Variants in PPM1D observed in about 807,000 individuals in gnomAD.
PPM1D encodes the protein protein phosphatase, Mg2+/Mn2+ dependent 1D, also known as protein phosphatase 1D.
In PPM1D, 52 loss-of-function variants were observed where a neutral mutation model predicts 58.3. That is an observed-to-expected ratio of 0.89 (90% CI 0.71 to 1.12). PPM1D has a LOEUF of 1.12. PPM1D is among the 50% of genes most tolerant of loss of function. The pLI is 0.00. For missense variants in PPM1D, 564 were observed against 777.2 expected (o/e 0.73, Z 3.26); for synonymous variants, 278 against 285.1 (o/e 0.98, Z 0.25).
chr17:60,622,821 G>A (rs533099336), intron 1 of PPM1D, among the ~76,000 whole-genome samples: 5 of 152,216 alleles, frequency 3.3e-5, no homozygotes, highest in African/African-American at 1.2e-4. Flanking sequence ...ATCAAGCCGA[G>A]TGCGGTGGCT....
At chr17:60,651,680 AC>A (rs1333806311) in intron 4 of PPM1D, among the ~76,000 whole-genome samples, 1 of 151,972 alleles carries the variant, frequency 6.6e-6, no homozygotes, top group African/African-American at 2.4e-5. Flanking sequence ...ACAGGTGTGA[AC>A]CACCATGCCA....
At position 60,656,738 on chromosome 17, in the gene PPM1D, C is replaced by G; in HGVS notation, c.1157C>G (p.Thr386Ser). The change falls in exon 5 of 6, where the codon ACC becomes AGC. Residue 386 changes from threonine to serine, a missense_variant. Thr to Ser is a moderately conservative substitution (Grantham distance 58). Transcript: ENST00000305921. Reference sequence around the variant, plus strand: ...GAAGTGGACAATCAGGGAAACTTTACCAATGAAGATGAGTTATACCTGAAC... The same window carrying G: ...GAAGTGGACAATCAGGGAAACTTTAGCAATGAAGATGAGTTATACCTGAAC... The part of the protein sequence containing the change: ...SPEVDNQGNF[T>S]NEDELYLNLT... The G allele has an allele frequency of 6.2e-7, 1 of 1,614,170 alleles. No individual in the cohort carries two copies. Among genetic ancestry groups the G allele is most frequent in the South Asian group, 1.1e-5 (1 of 91,074 alleles).
chr17:60,640,143 A>G (rs769934177), intron 3 of PPM1D, among the ~76,000 whole-genome samples: 10 of 152,054 alleles, frequency 6.6e-5, no homozygotes, highest in Non-Finnish European at 1.3e-4. Flanking sequence ...ACATGGCGAA[A>G]TCTCCCCTCT....
intron 1 of PPM1D, among the ~76,000 whole-genome samples, chr17:60,612,265 T>C (rs1307344695): frequency 2.0e-5 from 3 of 152,186 alleles, no homozygotes; most frequent in South Asian, 2.1e-4. Context: ...TTCTGTCTTG[T>C]AGATTATTTT....
Position 60,663,538 on chromosome 17 carries a change from GTT to G in PPM1D, c.1806_1807del (p.Val604LeufsTer14). On this transcript the variant is annotated frameshift_variant, in exon 6 of 6. Transcript: ENST00000305921. LOFTEE classifies it high-confidence loss of function. The part of the protein sequence containing the change: ...NPLLHQHRKT[V>X]CVC ...TTTACTTCATCAACACAGGAAAACTGTTTGTGTTTGCTGAAATGCATCTGGGA... is the reference window on the plus strand; with the variant it reads ...TTTACTTCATCAACACAGGAAAACTGTGTGTTTGCTGAAATGCATCTGGGA... 6.2e-7 allele frequency: 1 copy of G among 1,606,898 alleles called. No individual in the cohort carries two copies. Among genetic ancestry groups the G allele is most frequent in the South Asian group, 1.1e-5 (1 of 91,030 alleles).
intron 2 of PPM1D, 53 bp from the exon 3 acceptor site, chr17:60,633,800 T>C: frequency 6.8e-7 from 1 of 1,463,408 alleles, no homozygotes; most frequent in Admixed American, 2.0e-5. Flanking sequence ...TGAGCTATCT[T>C]AGTTGTTGTA....
intron 3 of PPM1D, among the ~76,000 whole-genome samples, chr17:60,634,536 A>G (rs1486544434): frequency 6.6e-6 from 1 of 152,086 alleles, no homozygotes; most frequent in Non-Finnish European, 1.5e-5. Context: ...GCTTAATGTT[A>G]CCCTTGAAAC....
At position 60,651,362 on chromosome 17, in the gene PPM1D, T is replaced by C. The variant is rs527645466; in HGVS notation, c.1017+3280T>C. Among the ~76,000 whole-genome samples, 6 of 152,218 alleles carry C rather than the reference T, an allele frequency of 3.9e-5. No homozygotes were observed. In the South Asian group the frequency reaches 1.2e-3, roughly 32 times the overall value. Reference sequence around the variant, plus strand: ...ATATCTCTGAAATTGGAATACTTTTTACAAATGGTATATCACAGTTCAATT... The same window carrying C: ...ATATCTCTGAAATTGGAATACTTTTCACAAATGGTATATCACAGTTCAATT... On this transcript the variant is annotated intron_variant, in intron 4 of 5. Transcript: ENST00000305921.
intron 5 of PPM1D, among the ~76,000 whole-genome samples, chr17:60,661,611 A>G (rs970106336): frequency 6.6e-6 from 1 of 152,142 alleles, no homozygotes; most frequent in African/African-American, 2.4e-5. Flanking sequence ...CATTTTTAAA[A>G]ACAATAAAGT....
intron 1 of PPM1D, among the ~76,000 whole-genome samples, chr17:60,612,084 A>G (rs2030468987): frequency 6.6e-6 from 1 of 151,992 alleles, no homozygotes; most frequent in Non-Finnish European, 1.5e-5. Flanking sequence ...TTGACATACA[A>G]TAAATGGTAC....
chr17:60,635,995 C>T (rs2031016362), intron 3 of PPM1D, among the ~76,000 whole-genome samples: 1 of 152,148 alleles, frequency 6.6e-6, no homozygotes, highest in African/African-American at 2.4e-5. Context: ...TCATCGAAGC[C>T]TTCAATGGGG....
chr17:60,645,500 A>ATATATATATATATG (rs1567974539), intron 3 of PPM1D, among the ~76,000 whole-genome samples: 1 of 123,316 alleles, frequency 8.1e-6, no homozygotes, highest in African/African-American at 3.6e-5. Flanking sequence ...GTGTATGTGT[A>ATATATATATATATG]TATATATATG....
Position 60,614,013 on chromosome 17 carries a change from G to C in PPM1D, c.473-9508G>C, listed in dbSNP as rs189513251. On this transcript the variant is annotated intron_variant, in intron 1 of 5. Coordinates refer to ENST00000305921, the MANE Select transcript of PPM1D (RefSeq NM_003620.4). ...GCTGAGGAGTGCGGGCCCAAGGGCT[G>C]AGGAGTGTGGGCGCAAGGCCCGGGA... 3.7e-3 allele frequency among the ~76,000 whole-genome samples: 565 copies of C among 152,290 alleles called. 2 individuals carry two copies. Among genetic ancestry groups the C allele is most frequent in the African/African-American group, 0.013 (536 of 41,548 alleles).
At chr17:60,643,272 A>G (rs980883375) in intron 3 of PPM1D, among the ~76,000 whole-genome samples, 8 of 152,044 alleles carry the variant, frequency 5.3e-5, no homozygotes, top group African/African-American at 1.9e-4. Context: ...AGTCCCAGCT[A>G]CTTGGAAGGC....
At chr17:60,619,921 A>G (rs2030663863) in intron 1 of PPM1D, among the ~76,000 whole-genome samples, 1 of 151,716 alleles carries the variant, frequency 6.6e-6, no homozygotes, top group East Asian at 1.9e-4. Flanking sequence ...CTTGTTGCCC[A>G]TTTGTATGAC....
chr17:60,651,573 A>G (rs1312968449), intron 4 of PPM1D, among the ~76,000 whole-genome samples: 1 of 151,186 alleles, frequency 6.6e-6, no homozygotes, highest in African/African-American at 2.4e-5. Flanking sequence ...AATTTTTTTT[A>G]TTTTAGTAGA....
intron 3 of PPM1D, among the ~76,000 whole-genome samples, chr17:60,643,820 C>T (rs2031183453): frequency 6.7e-6 from 1 of 149,194 alleles, no homozygotes; most frequent in South Asian, 2.1e-4. Context: ...AGCACGAGAA[C>T]AAGAGGAAAC....
intron 1 of PPM1D, among the ~76,000 whole-genome samples, chr17:60,615,662 A>G (rs2030567155): frequency 1.3e-5 from 2 of 150,336 alleles, no homozygotes; most frequent in African/African-American, 4.9e-5. Flanking sequence ...TATGTGGGAG[A>G]ATTTTCTTTT....
chr17:60,657,955 G>C (rs1245029714), intron 5 of PPM1D, among the ~76,000 whole-genome samples: 1 of 152,072 alleles, frequency 6.6e-6, no homozygotes, highest in Non-Finnish European at 1.5e-5. Context: ...TGTCCAAGCT[G>C]GTCTTGAACT....
Sources: gnomAD v4.1 joint callset for allele counts (sites outside exome capture counted in the v4.1 genomes callset) on GRCh38, gnomAD v4.1.1 for gene constraint, MANE v1.5 for transcripts, NCBI Gene and HGNC (gene_info 2026-07-23, HGNC 2026-07-21) for gene names.